Variants in PTPRD observed in about 807,000 individuals in gnomAD.
The protein encoded by PTPRD is receptor-type tyrosine-protein phosphatase delta.
Under a neutral mutation model 214.5 loss-of-function variants are expected in PTPRD, and 34 were observed. The ratio of observed to expected loss-of-function variants is 0.16; its 90% CI spans 0.12 to 0.21. The LOEUF (loss-of-function observed/expected upper bound fraction) is 0.21. Among genes scored for constraint, PTPRD ranks in the 10% least tolerant of loss-of-function variants. The pLI is 1.00. For synonymous variants in PTPRD, 1,128 were observed against 845.7 expected, an observed-to-expected ratio of 1.33 and a Z score of -5.79; for missense variants, 2,545 against 2,398.7, an observed-to-expected ratio of 1.06 and a Z score of -1.27.
chr9:8,919,866 T>C (rs1370671031), intron 11 of PTPRD, among the ~76,000 whole-genome samples: 1 of 150,618 alleles, frequency 6.6e-6, no homozygotes, highest in Non-Finnish European at 1.5e-5. Context: ...TACATAGATG[T>C]ACATGCATGT....
chr9:9,715,851 G>T (rs1422900544), intron 7 of PTPRD, among the ~76,000 whole-genome samples: 1 of 151,512 alleles, frequency 6.6e-6, no homozygotes, highest in African/African-American at 2.4e-5. Flanking sequence ...AGCTTCTTTT[G>T]TTATTATTAT....
chr9:10,140,711 C>T (rs191371522), intron 3 of PTPRD, among the ~76,000 whole-genome samples: 2,473 of 151,752 alleles, frequency 0.016, 60 homozygotes, highest in African/African-American at 0.057. Context: ...CTATTCCAAT[C>T]AATAGAAAAA....
intron 12 of PTPRD, among the ~76,000 whole-genome samples, chr9:8,682,571 C>A (rs1405973890): frequency 6.6e-6 from 1 of 152,134 alleles, no homozygotes; most frequent in East Asian, 1.9e-4. Flanking sequence ...AATTAACACC[C>A]TTTTTTCCCT....
chr9:8,521,749 G>A (rs912269771), intron 19 of PTPRD, among the ~76,000 whole-genome samples: 5 of 152,158 alleles, frequency 3.3e-5, no homozygotes, highest in African/African-American at 1.2e-4. Flanking sequence ...ATTTAGTTTA[G>A]TCATTGATAT....
At chr9:9,370,622 G>T (rs1472307445) in intron 9 of PTPRD, among the ~76,000 whole-genome samples, 2 of 151,158 alleles carry the variant, frequency 1.3e-5, no homozygotes, top group Admixed American at 1.3e-4. Context: ...CTGCCTGATT[G>T]CCCTGGCCAG....
intron 34 of PTPRD, chr9:8,438,854 A>C (rs963769377): frequency 6.6e-6 from 1 of 152,152 alleles, no homozygotes. Flanking sequence ...AGACGGGAAA[A>C]GTATTAGTAT....
chr9:9,834,695 A>G (rs1330755938), intron 5 of PTPRD, among the ~76,000 whole-genome samples: 1 of 152,078 alleles, frequency 6.6e-6, no homozygotes, highest in Non-Finnish European at 1.5e-5. Flanking sequence ...ATCTCTAGGA[A>G]GGGTAAAACA....
At chr9:9,728,556 G>T (rs1167538012) in intron 7 of PTPRD, among the ~76,000 whole-genome samples, 1 of 152,090 alleles carries the variant, frequency 6.6e-6, no homozygotes, top group Non-Finnish European at 1.5e-5. Context: ...ACTCTAAAAG[G>T]TAAAAAGAGC....
At chr9:9,534,971 G>A (rs2076225871) in intron 8 of PTPRD, among the ~76,000 whole-genome samples, 1 of 152,022 alleles carries the variant, frequency 6.6e-6, no homozygotes, top group African/African-American at 2.4e-5. Context: ...TGAGGAACAA[G>A]TTCCCACCGT....
intron 11 of PTPRD, among the ~76,000 whole-genome samples, chr9:8,823,741 A>G (rs1267015058): frequency 6.6e-6 from 1 of 152,186 alleles, no homozygotes; most frequent in African/African-American, 2.4e-5. Context: ...GTTACAGGAA[A>G]GGAGTCTTGA....
chr9:9,972,321 T>C (rs2382089), intron 4 of PTPRD, among the ~76,000 whole-genome samples: 30,975 of 152,158 alleles, frequency 0.2, 3,864 homozygotes, highest in Middle Eastern at 0.35. Context: ...TTTGCTCTTC[T>C]CAAGAGGAAT....
chr9:8,733,932 G>T lies in PTPRD; in HGVS notation c.-89C>A. On this transcript the variant is annotated 5_prime_UTR_variant, in exon 12 of 46. Transcript: ENST00000381196. Reference sequence around the variant, plus strand: ...TCTGTCCGATCTGAAATTTCAGCTGGAACACTTTCAGAGCCTGAAAGCGGG... The same window carrying T: ...TCTGTCCGATCTGAAATTTCAGCTGTAACACTTTCAGAGCCTGAAAGCGGG... 2.2e-6 allele frequency: 3 copies of T among 1,345,406 alleles called. No homozygotes were observed. Among genetic ancestry groups the T allele is most frequent in the Non-Finnish European group, 2.1e-6 (2 of 969,870 alleles). 83.3% of individuals were successfully genotyped at this position (1,345,406 alleles called of 1,614,324 possible).
At chr9:8,382,589 A>G (rs1376951836) in intron 37 of PTPRD, among the ~76,000 whole-genome samples, 1 of 152,200 alleles carries the variant, frequency 6.6e-6, no homozygotes, top group African/African-American at 2.4e-5. Context: ...AATTGGTGGG[A>G]TTCTTTCTCT....
chr9:8,822,615 T>C (rs913111780), intron 11 of PTPRD, among the ~76,000 whole-genome samples: 4 of 152,166 alleles, frequency 2.6e-5, no homozygotes, highest in African/African-American at 9.7e-5. Context: ...TGCTTACAAG[T>C]ACAGTATCAA....
intron 2 of PTPRD, among the ~76,000 whole-genome samples, chr9:10,421,023 C>A (rs1276828527): frequency 6.6e-6 from 1 of 151,812 alleles, no homozygotes; most frequent in East Asian, 1.9e-4. Context: ...CAAAGAATTT[C>A]TTGGGCCATA....
At chr9:10,260,840 T>G (rs1275901573) in intron 3 of PTPRD, among the ~76,000 whole-genome samples, 2 of 152,044 alleles carry the variant, frequency 1.3e-5, no homozygotes, top group Admixed American at 1.3e-4. Flanking sequence ...TAGCCTTGTT[T>G]GTCCCTTGCC....
intron 35 of PTPRD, among the ~76,000 whole-genome samples, chr9:8,408,627 G>A (rs887405760): frequency 7.2e-5 from 11 of 152,106 alleles, no homozygotes; most frequent in Non-Finnish European, 1.0e-4. Context: ...CTACTTCGTC[G>A]TATTTTTTGT....
At chr9:9,688,439 T>G (rs1305485879) in intron 7 of PTPRD, among the ~76,000 whole-genome samples, 1 of 151,896 alleles carries the variant, frequency 6.6e-6, no homozygotes, top group South Asian at 2.1e-4. Flanking sequence ...AATATGTATT[T>G]GGTTCCTTCC....
At chr9:10,530,933 G>A (rs1438298716) in intron 2 of PTPRD, among the ~76,000 whole-genome samples, 1 of 151,976 alleles carries the variant, frequency 6.6e-6, no homozygotes, top group African/African-American at 2.4e-5. Context: ...TACAGACAAT[G>A]GATGCTAAAA....
Sources: gnomAD v4.1 joint callset for allele counts (sites outside exome capture counted in the v4.1 genomes callset) on GRCh38, gnomAD v4.1.1 for gene constraint, MANE v1.5 for transcripts, NCBI Gene and HGNC (gene_info 2026-07-23, HGNC 2026-07-21) for gene names.